Variants in FRAS1 observed in about 807,000 individuals in gnomAD.
FRAS1 encodes the protein extracellular matrix organizing protein FRAS1.
A neutral mutation model predicts 435.2 loss-of-function variants in FRAS1; 290 were observed. The ratio of observed to expected loss-of-function variants is 0.67; its 90% CI spans 0.61 to 0.73. The LOEUF (loss-of-function observed/expected upper bound fraction) is 0.73, where lower values mean the gene tolerates loss of function less well. Among genes scored for constraint, FRAS1 ranks in the 30% least tolerant of loss-of-function variants. The probability of loss-of-function intolerance (pLI) is 0.00; values close to 1 mark genes in which losing one functional copy is unlikely to be tolerated. For missense variants in FRAS1, 4,860 were observed against 5,001.5 expected, an observed-to-expected ratio of 0.97 and a Z score of 0.85; for synonymous variants, 1,800 against 1,851.0, an observed-to-expected ratio of 0.97 and a Z score of 0.71.
Position 78,543,613 on chromosome 4 carries a change from T to C in FRAS1, c.*2489T>C, listed in dbSNP as rs11098227. On this transcript the variant is annotated 3_prime_UTR_variant, in exon 74 of 74. Coordinates refer to ENST00000512123, the MANE Select transcript of FRAS1 (RefSeq NM_025074.7). ...TCTGCCTTTCACCCCACTAAATGTA[T>C]GTTATTGAATGCCAGTACTTCTCTA... is the stretch of plus-strand genomic sequence containing the variant. The C allele has an allele frequency of 0.65, 98,688 of 152,118 alleles. 32,171 individuals are homozygous for C. Among genetic ancestry groups the C allele is most frequent in the East Asian group, 0.83 (4,306 of 5,174 alleles). 9.4% of individuals were successfully genotyped at this position (152,118 alleles called of 1,614,324 possible).
At chr4:78,222,073 G>C (rs1259578329) in intron 2 of FRAS1, among the ~76,000 whole-genome samples, 3 of 151,918 alleles carry the variant, frequency 2.0e-5, no homozygotes, top group African/African-American at 7.3e-5. Context: ...GTGGAGCTCT[G>C]CCCCCCTGGA....
Position 78,441,315 on chromosome 4 carries a change from A to T in FRAS1, c.5665+18A>T, listed in dbSNP as rs140398472. 6.3e-4 allele frequency: 1,006 copies of T among 1,603,858 alleles called. 8 individuals carry two copies. In the African/African-American group the frequency reaches 0.012, roughly 20 times the overall value. ...AGGAACAGGTACTACTTCCTGTAAA[A>T]CTGTTAAGGACCTTGAGAGAAGGGA... On this transcript the variant is annotated intron_variant, in intron 41 of 73. Coordinates refer to ENST00000512123, the MANE Select transcript of FRAS1 (RefSeq NM_025074.7).
intron 14 of FRAS1, among the ~76,000 whole-genome samples, chr4:78,304,020 A>G (rs1728566448): frequency 6.6e-6 from 1 of 151,584 alleles, no homozygotes; most frequent in Non-Finnish European, 1.5e-5. Context: ...ATTATTTTGA[A>G]ATATGTCCCA....
chr4:78,286,544 T>C lies in FRAS1; in HGVS notation c.1534+5T>C, dbSNP rs1727615705. The C allele has an allele frequency of 6.2e-7, 1 of 1,610,664 alleles. No homozygotes were observed. The highest frequency in any genetic ancestry group is 2.2e-5 in the East Asian group (1 of 44,842). ...AAGATCGCCATTCCTGTGCAGGTAA[T>C]CTCTGGCTGGGCCACAGTTGGGCCA... is the stretch of plus-strand genomic sequence containing the variant. On this transcript the variant is annotated splice_donor_5th_base_variant and intron_variant, in intron 14 of 73. Coordinates refer to ENST00000512123, the MANE Select transcript of FRAS1 (RefSeq NM_025074.7).
intron 20 of FRAS1, among the ~76,000 whole-genome samples, chr4:78,354,196 G>A (rs1163740428): frequency 1.3e-5 from 2 of 152,028 alleles, no homozygotes; most frequent in African/African-American, 2.4e-5. Context: ...CGGCTCCTAC[G>A]GCAGCCTTCC....
At chr4:78,450,420 C>A in intron 45 of FRAS1, 81 bp downstream of exon 45, 1 of 1,135,802 alleles carries the variant, frequency 8.8e-7, no homozygotes, top group Non-Finnish European at 1.3e-6. Context: ...ATCTGGTAGT[C>A]TATGGCAATA....
At chr4:78,312,323 A>G (rs1247336859) in intron 15 of FRAS1, among the ~76,000 whole-genome samples, 3 of 151,856 alleles carry the variant, frequency 2.0e-5, no homozygotes, top group African/African-American at 7.3e-5. Flanking sequence ...CCATATACAC[A>G]TAGTTCTGTC....
chr4:78,425,609 T>C (rs1424144173), intron 35 of FRAS1, among the ~76,000 whole-genome samples: 1 of 152,190 alleles, frequency 6.6e-6, no homozygotes, highest in Non-Finnish European at 1.5e-5. Flanking sequence ...AAAATCGCAC[T>C]TGAATCAATA....
At chr4:78,277,458 G>A (rs536391516) in intron 9 of FRAS1, among the ~76,000 whole-genome samples, 61 of 151,336 alleles carry the variant, frequency 4.0e-4, no homozygotes, top group Non-Finnish European at 7.1e-4. Context: ...TCTTGGAACC[G>A]CCCCCCCCAT....
intron 14 of FRAS1, among the ~76,000 whole-genome samples, chr4:78,301,846 G>GTTTTTTTTTTTTTTT (rs59794614): frequency 6.7e-5 from 7 of 103,942 alleles, no homozygotes; most frequent in Non-Finnish European, 9.3e-5. Context: ...CACAGAAACA[G>GTTTTTTTTTTTTTTT]TTTTTTTTTT....
chr4:78,446,471 T>A (rs1159711754), intron 42 of FRAS1: 2 of 1,265,330 alleles, frequency 1.6e-6, no homozygotes, highest in Non-Finnish European at 9.9e-7. Flanking sequence ...CTAGAAAATA[T>A]GGTCATTGTA....
intron 33 of FRAS1, among the ~76,000 whole-genome samples, chr4:78,421,012 G>A (rs186870702): frequency 1.3e-5 from 2 of 151,066 alleles, no homozygotes; most frequent in African/African-American, 4.9e-5. Context: ...AGGACAGGCA[G>A]TTTGACTCCC....
intron 38 of FRAS1, among the ~76,000 whole-genome samples, chr4:78,436,600 A>T (rs1734437972): frequency 6.6e-6 from 1 of 152,184 alleles, no homozygotes; most frequent in Non-Finnish European, 1.5e-5. Context: ...GTGGTCTACT[A>T]ACTTGACAGA....
At chr4:78,260,773 T>C (rs551914529) in intron 6 of FRAS1, among the ~76,000 whole-genome samples, 63 of 152,310 alleles carry the variant, frequency 4.1e-4, no homozygotes, top group African/African-American at 1.4e-3. Context: ...GGCATCCCTG[T>C]CTTGTGCCAG....
intron 60 of FRAS1, among the ~76,000 whole-genome samples, chr4:78,497,827 G>A (rs1389872893): frequency 6.6e-6 from 1 of 152,088 alleles, no homozygotes; most frequent in African/African-American, 2.4e-5. Flanking sequence ...AACTAACTTG[G>A]ACATTGGATA....
chr4:78,417,634 T>G (rs537175485), intron 32 of FRAS1, among the ~76,000 whole-genome samples: 103 of 152,290 alleles, frequency 6.8e-4, no homozygotes, highest in Non-Finnish European at 1.0e-4. Context: ...CTCTTTACTA[T>G]AGGGGGATTG....
Position 78,369,961 on chromosome 4 carries a change from A to T in FRAS1, c.2846A>T (p.Asp949Val), listed in dbSNP as rs202221840. Residue 949 changes from aspartate to valine, a missense_variant, in exon 23 of 74, where the codon GAC (aspartate) becomes GTC (valine). Physicochemically the swap from Asp to Val is radical, Grantham distance 152. Coordinates refer to ENST00000512123, the MANE Select transcript of FRAS1 (RefSeq NM_025074.7). ...YESCAPQYYL[D>V]FSTNTCKECD... The stretch of plus-strand genomic sequence containing the variant: ...AGCTGCGCCCCACAGTACTATCTTG[A>T]CTTCTCCACCAACACGTGCAAAGGT... 1.2e-4 allele frequency: 191 copies of T among 1,613,184 alleles called. No individual in the cohort carries two copies. The highest frequency in any genetic ancestry group is 1.6e-4 in the Non-Finnish European group (183 of 1,179,504).
intron 50 of FRAS1, among the ~76,000 whole-genome samples, chr4:78,468,325 C>T (rs974061347): frequency 3.3e-5 from 5 of 152,122 alleles, no homozygotes; most frequent in African/African-American, 1.2e-4. Flanking sequence ...ATTTCCAGCC[C>T]TGTCATGTAC....
At chr4:78,354,137 A>G (rs1578268677) in intron 20 of FRAS1, among the ~76,000 whole-genome samples, 1 of 151,700 alleles carries the variant, frequency 6.6e-6, no homozygotes, top group Non-Finnish European at 1.5e-5. Context: ...TACATTTGAC[A>G]CTGCCACTCG....
Sources: allele counts gnomAD v4.1 joint callset (sites outside exome capture counted in the v4.1 genomes callset), GRCh38; gene constraint gnomAD v4.1.1; transcripts MANE v1.5; gene names NCBI Gene and HGNC (gene_info 2026-07-23, HGNC 2026-07-21).